Variants in MAGI2 observed in about 807,000 individuals in gnomAD.
The protein encoded by MAGI2 is membrane-associated guanylate kinase, WW and PDZ domain-containing protein 2.
A neutral mutation model predicts 133.3 loss-of-function variants in MAGI2; 35 were observed. The observed-to-expected ratio is 0.26, with a 90% CI of 0.20 to 0.35. The LOEUF (loss-of-function observed/expected upper bound fraction) is 0.35. Among genes scored for constraint, MAGI2 ranks in the 10% least tolerant of loss-of-function variants. The pLI is 1.00. For synonymous variants in MAGI2, 729 were observed against 710.6 expected (o/e 1.03, Z -0.41); for missense variants, 1,636 against 1,863.4 (o/e 0.88, Z 2.25).
intron 1 of MAGI2, among the ~76,000 whole-genome samples, chr7:79,240,248 T>A (rs1218345165): frequency 6.6e-6 from 1 of 151,616 alleles, no homozygotes; most frequent in African/African-American, 2.4e-5. Context: ...CAAAGGACTG[T>A]CTTCTAGGCA....
intron 20 of MAGI2, among the ~76,000 whole-genome samples, chr7:78,118,045 G>A (rs184156477): frequency 2.0e-5 from 3 of 152,226 alleles, no homozygotes; most frequent in East Asian, 3.9e-4. Context: ...AAATAGACCT[G>A]CATAAATATA....
At chr7:78,610,075 C>T (rs1451508927) in intron 3 of MAGI2, among the ~76,000 whole-genome samples, 2 of 152,280 alleles carry the variant, frequency 1.3e-5, no homozygotes, top group African/African-American at 2.4e-5. Context: ...GCCACTTCCA[C>T]TCTACCCCTT....
chr7:79,125,446 G>A lies in MAGI2; in HGVS notation c.302-118240C>T, dbSNP rs1036915748. 3.6e-5 allele frequency: 18 copies of A among 499,486 alleles called. 1 individual carries two copies. Among genetic ancestry groups the A allele is most frequent in the South Asian group, 1.3e-4 (9 of 67,196 alleles). 30.9% of individuals were successfully genotyped at this position (499,486 alleles called of 1,614,324 possible). ...GGATAGCTATAATGGATTTGATAAC[G>A]ATGGTAGTTATGTTGGAGGCAGTCC... On this transcript the variant is annotated intron_variant, in intron 1 of 21. Transcript: ENST00000354212.
chr7:78,198,428 GTTTTTTTTTTT>G (rs398066996), intron 11 of MAGI2, among the ~76,000 whole-genome samples: 1 of 97,494 alleles, frequency 1.0e-5, no homozygotes, highest in Non-Finnish European at 1.9e-5. Flanking sequence ...GGCTGTGGCC[GTTTTTTTTTTT>G]TTTTTTTTTC....
At chr7:78,833,526 G>C (rs950121254) in intron 2 of MAGI2, among the ~76,000 whole-genome samples, 1 of 152,148 alleles carries the variant, frequency 6.6e-6, no homozygotes, top group Non-Finnish European at 1.5e-5. Flanking sequence ...GCTGTTGGCC[G>C]GATCCTGCAA....
At chr7:78,151,589 G>A (rs996445135) in intron 16 of MAGI2, among the ~76,000 whole-genome samples, 1 of 152,176 alleles carries the variant, frequency 6.6e-6, no homozygotes, top group Non-Finnish European at 1.5e-5. Context: ...TTGTTAGGGT[G>A]CTCTCTCATC....
At chr7:78,641,755 T>TG (rs571930613) in intron 2 of MAGI2, among the ~76,000 whole-genome samples, 1 of 151,848 alleles carries the variant, frequency 6.6e-6, no homozygotes, top group Non-Finnish European at 1.5e-5. Flanking sequence ...AGAAAAAAAA[T>TG]GGGGGAAAAT....
intron 3 of MAGI2, among the ~76,000 whole-genome samples, chr7:78,553,504 G>T (rs1799536544): frequency 6.6e-6 from 1 of 152,174 alleles, no homozygotes. Context: ...AGGAAGACTT[G>T]CACTTATACA....
chr7:78,800,911 T>C (rs886987445), intron 2 of MAGI2, among the ~76,000 whole-genome samples: 7 of 152,106 alleles, frequency 4.6e-5, no homozygotes, highest in African/African-American at 1.7e-4. Flanking sequence ...CAACCTCTAG[T>C]TGAAGGGATG....
intron 17 of MAGI2, among the ~76,000 whole-genome samples, chr7:78,133,550 G>T (rs570467337): frequency 6.6e-6 from 1 of 152,226 alleles, no homozygotes; most frequent in Admixed American, 6.5e-5. Context: ...TAGCCCACTG[G>T]ACTCCACACT....
intron 6 of MAGI2, among the ~76,000 whole-genome samples, chr7:78,393,635 G>A (rs1446764228): frequency 6.6e-6 from 1 of 152,190 alleles, no homozygotes; most frequent in African/African-American, 2.4e-5. Context: ...ATCCAAGGCA[G>A]GCATACCATC....
intron 1 of MAGI2, among the ~76,000 whole-genome samples, chr7:79,101,678 C>T (rs1356711101): frequency 7.0e-6 from 1 of 143,616 alleles, no homozygotes; most frequent in African/African-American, 2.6e-5. Flanking sequence ...GAGCCGAGAT[C>T]GCGCCACCGC....
chr7:78,332,418 G>T (rs1789305404), intron 9 of MAGI2, among the ~76,000 whole-genome samples: 1 of 152,216 alleles, frequency 6.6e-6, no homozygotes, highest in Non-Finnish European at 1.5e-5. Flanking sequence ...AGGAGAGTAG[G>T]CTGGGCGCAG....
At chr7:78,942,892 G>GAA (rs5885102) in intron 2 of MAGI2, among the ~76,000 whole-genome samples, 1 of 137,522 alleles carries the variant, frequency 7.3e-6, no homozygotes, top group Non-Finnish European at 1.6e-5. Flanking sequence ...CGTAGTAAGT[G>GAA]AAAAAAAAAA....
At chr7:78,630,186 T>A (rs948967334) in intron 2 of MAGI2, among the ~76,000 whole-genome samples, 1 of 150,934 alleles carries the variant, frequency 6.6e-6, no homozygotes, top group African/African-American at 2.4e-5. Flanking sequence ...AAGATGCCTC[T>A]TGATTCTTTA....
At position 78,059,775 on chromosome 7, in the gene MAGI2, A is replaced by ATTTTTT. The variant is rs141199304; in HGVS notation, c.3706+19171_3706+19172insAAAAAA. Among the ~76,000 whole-genome samples, 829 of 89,418 alleles carry ATTTTTT rather than the reference A, an allele frequency of 9.3e-3. 6 individuals are homozygous for ATTTTTT. Among genetic ancestry groups the ATTTTTT allele is most frequent in the South Asian group, 0.022 (61 of 2,734 alleles). 58.7% of individuals were successfully genotyped at this position (89,418 alleles called of 152,430 possible). On this transcript the variant is annotated intron_variant, in intron 21 of 21. Coordinates refer to ENST00000354212, the MANE Select transcript of MAGI2 (RefSeq NM_012301.4). ...GGAACAATGCCATATATATATATAT[A>ATTTTTT]TATTTTTTTTCTGGAGTCCCTACAG...
intron 2 of MAGI2, among the ~76,000 whole-genome samples, chr7:78,886,900 A>G (rs1796315744): frequency 6.6e-6 from 1 of 152,108 alleles, no homozygotes; most frequent in Non-Finnish European, 1.5e-5. Context: ...AGGTAACTGA[A>G]TCATGGGGGG....
At chr7:78,752,895 G>A (rs761386747) in intron 2 of MAGI2, among the ~76,000 whole-genome samples, 8 of 152,280 alleles carry the variant, frequency 5.3e-5, no homozygotes, top group African/African-American at 1.9e-4. Flanking sequence ...CAGAGTCCAG[G>A]CAGCCTGGTT....
intron 2 of MAGI2, among the ~76,000 whole-genome samples, chr7:78,884,148 G>T (rs1796089985): frequency 6.6e-6 from 1 of 151,932 alleles, no homozygotes; most frequent in South Asian, 2.1e-4. Context: ...AAAACGTAAA[G>T]AACAAAACAA....
Sources: allele counts gnomAD v4.1 joint callset (sites outside exome capture counted in the v4.1 genomes callset), GRCh38; gene constraint gnomAD v4.1.1; transcripts MANE v1.5; gene names NCBI Gene and HGNC (gene_info 2026-07-23, HGNC 2026-07-21).